The following CSGALNACT1 variants were observed in gnomAD, a reference collection of about 807,000 sequenced individuals.
CSGALNACT1 encodes chondroitin sulfate N-acetylgalactosaminyltransferase 1.
A neutral mutation model predicts 51.0 loss-of-function variants in CSGALNACT1; 52 were observed. That is an observed-to-expected ratio of 1.02 (90% confidence interval 0.82 to 1.29). CSGALNACT1 has a LOEUF of 1.29. Among genes scored for constraint, CSGALNACT1 ranks in the 50% most tolerant of loss-of-function variants. The probability of loss-of-function intolerance (pLI) is 0.00; values close to 1 mark genes in which losing one functional copy is unlikely to be tolerated. For synonymous variants in CSGALNACT1, 341 were observed against 254.4 expected (o/e 1.34, Z -3.24); for missense variants, 935 against 679.2 (o/e 1.38, Z -4.19).
chr8:19,648,354 G>C (rs1044589083), intron 1 of CSGALNACT1, among the ~76,000 whole-genome samples: 10 of 152,252 alleles, frequency 6.6e-5, no homozygotes, highest in African/African-American at 2.2e-4. Flanking sequence ...ATTCTCTGCT[G>C]GAAGGAGTGT....
At chr8:19,636,065 G>A (rs568474311) in intron 1 of CSGALNACT1, among the ~76,000 whole-genome samples, 20 of 152,188 alleles carry the variant, frequency 1.3e-4, no homozygotes, top group East Asian at 7.7e-4. Context: ...CAGATTTTAC[G>A]GTAGTATTCC....
At chr8:19,609,662 G>C (rs542630098) in intron 1 of CSGALNACT1, among the ~76,000 whole-genome samples, 1 of 151,490 alleles carries the variant, frequency 6.6e-6, no homozygotes, top group Admixed American at 6.6e-5. Flanking sequence ...GGGTTGGGGG[G>C]TGAGAGGGGC....
intron 1 of CSGALNACT1, among the ~76,000 whole-genome samples, chr8:19,678,268 A>C (rs1487318082): frequency 6.6e-6 from 1 of 152,216 alleles, no homozygotes; most frequent in African/African-American, 2.4e-5. Context: ...AAGTATCCAG[A>C]CATCTCTGCA....
At chr8:19,617,597 A>G (rs903242514) in intron 1 of CSGALNACT1, among the ~76,000 whole-genome samples, 3 of 152,188 alleles carry the variant, frequency 2.0e-5, no homozygotes, top group African/African-American at 7.2e-5. Context: ...AGAGATATAC[A>G]TTTACCACTG....
chr8:19,623,958 G>T (rs1223178949), intron 1 of CSGALNACT1, among the ~76,000 whole-genome samples: 1 of 152,202 alleles, frequency 6.6e-6, no homozygotes, highest in Non-Finnish European at 1.5e-5. Flanking sequence ...GAGATCACTG[G>T]AGGCAAATGG....
intron 1 of CSGALNACT1, among the ~76,000 whole-genome samples, chr8:19,729,269 CT>C (rs2063561657): frequency 6.6e-6 from 1 of 152,144 alleles, no homozygotes; most frequent in Non-Finnish European, 1.5e-5. Flanking sequence ...CACTCTAATA[CT>C]TGCTTATTCA....
At chr8:19,481,500 C>T (rs576139395) in intron 4 of CSGALNACT1, among the ~76,000 whole-genome samples, 2 of 152,086 alleles carry the variant, frequency 1.3e-5, no homozygotes, top group East Asian at 3.9e-4. Context: ...AGCTAAGTAC[C>T]CTGCCCAAGA....
intron 4 of CSGALNACT1, among the ~76,000 whole-genome samples, chr8:19,492,480 T>G (rs1462090397): frequency 6.6e-6 from 1 of 152,232 alleles, no homozygotes; most frequent in Non-Finnish European, 1.5e-5. Context: ...TAATGTCTAG[T>G]ATGAACTTCA....
intron 1 of CSGALNACT1, among the ~76,000 whole-genome samples, chr8:19,738,895 T>G (rs1257243123): frequency 2.0e-5 from 3 of 151,820 alleles, no homozygotes; most frequent in Non-Finnish European, 4.4e-5. Flanking sequence ...AACAAGTAAA[T>G]GACAATATGA....
At chr8:19,436,341 TG>T (rs1178598973) in intron 6 of CSGALNACT1, among the ~76,000 whole-genome samples, 1 of 152,160 alleles carries the variant, frequency 6.6e-6, no homozygotes, top group Non-Finnish European at 1.5e-5. Flanking sequence ...ATGCTAACAC[TG>T]TGAGTCTAGA....
chr8:19,654,395 C>A (rs1273181137), intron 1 of CSGALNACT1, among the ~76,000 whole-genome samples: 1 of 152,144 alleles, frequency 6.6e-6, no homozygotes, highest in African/African-American at 2.4e-5. Flanking sequence ...GTGTGACGCA[C>A]TGGAAAGAGA....
chr8:19,556,166 T>A (rs573314663), intron 3 of CSGALNACT1, among the ~76,000 whole-genome samples: 42 of 151,984 alleles, frequency 2.8e-4, no homozygotes, highest in African/African-American at 1.0e-3. Flanking sequence ...TTACCTGAGG[T>A]CAGGAAAAGA....
At chr8:19,580,989 A>G (rs1311444798) in intron 3 of CSGALNACT1, among the ~76,000 whole-genome samples, 1 of 152,200 alleles carries the variant, frequency 6.6e-6, no homozygotes, top group African/African-American at 2.4e-5. Context: ...AAATATGAGA[A>G]ACAGCTTAAG....
Position 19,429,772 on chromosome 8 carries a change from T to C in CSGALNACT1, c.954-9254A>G, listed in dbSNP as rs374644727. Among the ~76,000 whole-genome samples the C allele has an allele frequency of 1.2e-4, 18 of 152,348 alleles. No individual in the cohort carries two copies. In the East Asian group the frequency reaches 3.3e-3, roughly 28 times the overall value. On this transcript the variant is annotated intron_variant, in intron 6 of 9. Transcript: ENST00000454498. The stretch of plus-strand genomic sequence containing the variant: ...TCAGAACTGCTGAGTCAGATAATAA[T>C]ACTACGTTTAACCATGTAAGGAACT...
At chr8:19,503,999 T>C (rs938363517) in intron 4 of CSGALNACT1, among the ~76,000 whole-genome samples, 3 of 152,228 alleles carry the variant, frequency 2.0e-5, no homozygotes, top group Non-Finnish European at 4.4e-5. Flanking sequence ...GTTTTGCCTG[T>C]AGGCCCATGA....
intron 4 of CSGALNACT1, among the ~76,000 whole-genome samples, chr8:19,499,262 T>C (rs1293262930): frequency 3.9e-5 from 6 of 152,206 alleles, no homozygotes; most frequent in African/African-American, 1.2e-4. Context: ...CCAAGGCTTA[T>C]CTCTATCATG....
chr8:19,702,224 T>C (rs891923908), intron 1 of CSGALNACT1, among the ~76,000 whole-genome samples: 1 of 152,078 alleles, frequency 6.6e-6, no homozygotes, highest in Non-Finnish European at 1.5e-5. Flanking sequence ...ATTCAGTGGA[T>C]CCCTAGAGCC....
At chr8:19,587,132 A>G (rs1203339701) in intron 3 of CSGALNACT1, among the ~76,000 whole-genome samples, 1 of 152,150 alleles carries the variant, frequency 6.6e-6, no homozygotes, top group East Asian at 1.9e-4. Context: ...AAAAACAGCA[A>G]TCGCTGCAAA....
At chr8:19,490,480 A>G (rs574458577) in intron 4 of CSGALNACT1, among the ~76,000 whole-genome samples, 4 of 152,342 alleles carry the variant, frequency 2.6e-5, no homozygotes, top group South Asian at 4.1e-4. Flanking sequence ...AGAAAGCATC[A>G]TAAGATGCCA....
Sources: allele counts gnomAD v4.1 joint callset (sites outside exome capture counted in the v4.1 genomes callset), GRCh38; gene constraint gnomAD v4.1.1; transcripts MANE v1.5; gene names NCBI Gene and HGNC (gene_info 2026-07-23, HGNC 2026-07-21).